The following ACSF2 variants were observed in gnomAD, a reference collection of about 807,000 sequenced individuals.
ACSF2 encodes the protein acyl-CoA synthetase family member 2, also known as medium-chain acyl-CoA ligase ACSF2, mitochondrial.
ACSF2 carries 52 observed loss-of-function variants against 79.3 expected under a neutral mutation model. The observed-to-expected ratio is 0.66, with a 90% CI of 0.53 to 0.83. The LOEUF is 0.83. Among genes scored for constraint, ACSF2 ranks in the 40% least tolerant of loss-of-function variants. ACSF2 has a pLI of 0.00. For synonymous variants in ACSF2, 283 were observed against 312.6 expected, an observed-to-expected ratio of 0.91 and a Z score of 1.00; for missense variants, 661 against 803.3, an observed-to-expected ratio of 0.82 and a Z score of 2.14.
chr17:50,469,356 C>T (rs1376095380), intron 10 of ACSF2, among the ~76,000 whole-genome samples: 1 of 152,226 alleles, frequency 6.6e-6, no homozygotes, highest in Non-Finnish European at 1.5e-5. Flanking sequence ...GGTGGGCCAG[C>T]TGCCTGCGCT....
intron 10 of ACSF2, chr17:50,469,043 C>A (rs1019667894): frequency 1.5e-6 from 2 of 1,316,298 alleles, no homozygotes; most frequent in African/African-American, 3.1e-5. Flanking sequence ...TTCCCCCAGC[C>A]GGCTACCGTG....
intron 1 of ACSF2, among the ~76,000 whole-genome samples, chr17:50,441,536 T>C (rs2030921962): frequency 6.6e-6 from 1 of 152,200 alleles, no homozygotes; most frequent in Non-Finnish European, 1.5e-5. Context: ...ATTGGGGTCT[T>C]GGAAGCCAGG....
chr17:50,469,407 C>T (rs549745022), intron 10 of ACSF2, among the ~76,000 whole-genome samples: 2 of 152,164 alleles, frequency 1.3e-5, no homozygotes. Flanking sequence ...GCGTGAGAGC[C>T]GCCCCGGCGT....
chr17:50,459,536 C>T (rs1328646352), intron 1 of ACSF2, among the ~76,000 whole-genome samples: 1 of 152,210 alleles, frequency 6.6e-6, no homozygotes, highest in Non-Finnish European at 1.5e-5. Context: ...GTGTGAGCCA[C>T]CATGCCTGGC....
At chr17:50,434,712 T>C (rs1481488789) in intron 1 of ACSF2, among the ~76,000 whole-genome samples, 1 of 151,974 alleles carries the variant, frequency 6.6e-6, no homozygotes, top group Non-Finnish European at 1.5e-5. Context: ...TTTTTTTTAC[T>C]GTAGTCCTTA....
intron 1 of ACSF2, among the ~76,000 whole-genome samples, chr17:50,447,565 A>C (rs1314471798): frequency 6.6e-6 from 1 of 151,798 alleles, no homozygotes; most frequent in Non-Finnish European, 1.5e-5. Flanking sequence ...TAATAATAAT[A>C]ATGAGATGAT....
intron 1 of ACSF2, among the ~76,000 whole-genome samples, chr17:50,454,221 A>G (rs947404961): frequency 7.2e-6 from 1 of 138,292 alleles, no homozygotes; most frequent in Non-Finnish European, 1.5e-5. Context: ...TCTGTCACCC[A>G]GGCTGGTCTC....
chr17:50,472,685 AG>A (rs1292772163), intron 12 of ACSF2, 106 bp downstream of exon 12: 43 of 1,341,180 alleles, frequency 3.2e-5, no homozygotes, highest in Admixed American at 5.8e-5. Context: ...GTGGGTATCA[AG>A]ATGACCCCTC....
intron 10 of ACSF2, chr17:50,465,755 A>C: frequency 6.2e-7 from 1 of 1,613,716 alleles, no homozygotes; most frequent in Non-Finnish European, 8.5e-7. Context: ...GTTATTGGTA[A>C]GGGCGAGGGT....
chr17:50,449,688 A>G (rs2031548232), intron 1 of ACSF2, among the ~76,000 whole-genome samples: 1 of 152,034 alleles, frequency 6.6e-6, no homozygotes. Flanking sequence ...TGCTCGGATT[A>G]CAGGCGTGAG....
chr17:50,467,557 C>T (rs536474352), intron 10 of ACSF2, among the ~76,000 whole-genome samples: 2 of 152,324 alleles, frequency 1.3e-5, no homozygotes, highest in East Asian at 1.9e-4. Flanking sequence ...CCCCACTCCC[C>T]CTTAGCACAC....
At chr17:50,455,005 A>C (rs1232326695) in intron 1 of ACSF2, among the ~76,000 whole-genome samples, 1 of 152,134 alleles carries the variant, frequency 6.6e-6, no homozygotes, top group African/African-American at 2.4e-5. Context: ...GCTTGTTGTG[A>C]GGCTGAACAC....
chr17:50,474,518 T>G lies in ACSF2; in HGVS notation c.1814T>G (p.Leu605Arg). 1.2e-6 allele frequency: 2 copies of G among 1,614,216 alleles called. No homozygotes were observed. The highest frequency in any genetic ancestry group is 1.7e-6 in the Non-Finnish European group (2 of 1,180,030). ...TTCCTCTAGATCCAGAAATTCAAAC[T>G]TCGAGAGCAGATGGAACGACATCTA... Reference protein sequence around the residue: ...TISGKIQKFKLREQMERHLNL With the variant: ...TISGKIQKFKRREQMERHLNL Residue 605 changes from leucine to arginine, a missense_variant, in exon 16 of 16, where the codon CTT becomes CGT. Coordinates refer to ENST00000300441, the MANE Select transcript of ACSF2 (RefSeq NM_025149.6). The surrounding 1 kb of genome is among the most constrained non-coding windows in gnomAD (Gnocchi z 4.2).
intron 1 of ACSF2, among the ~76,000 whole-genome samples, chr17:50,433,716 T>C (rs895038974): frequency 1.3e-5 from 2 of 152,158 alleles, no homozygotes; most frequent in African/African-American, 2.4e-5. Flanking sequence ...CCTCCCAGTC[T>C]CAGGTGATGT....
intron 10 of ACSF2, chr17:50,468,239 T>A (rs1598431911): frequency 1.9e-6 from 3 of 1,612,318 alleles, no homozygotes; most frequent in Non-Finnish European, 2.5e-6. Context: ...CTCCACGTCG[T>A]CCAGGGCCCC....
intron 1 of ACSF2, among the ~76,000 whole-genome samples, chr17:50,443,382 A>G (rs1270078417): frequency 6.6e-6 from 1 of 152,208 alleles, no homozygotes; most frequent in Non-Finnish European, 1.5e-5. Context: ...AGGAATCCAG[A>G]TTTACAGGTT....
intron 1 of ACSF2, among the ~76,000 whole-genome samples, chr17:50,436,398 G>A (rs1046956464): frequency 2.0e-5 from 3 of 151,032 alleles, no homozygotes; most frequent in African/African-American, 7.3e-5. Context: ...CAAAGTGCTG[G>A]GATTACAGGC....
chr17:50,433,934 T>G (rs898623571), intron 1 of ACSF2, among the ~76,000 whole-genome samples: 3 of 151,970 alleles, frequency 2.0e-5, no homozygotes, highest in Admixed American at 6.6e-5. Context: ...CTTCTATGTC[T>G]TCTTGAGAGA....
At chr17:50,458,533 T>C (rs2032150440) in intron 1 of ACSF2, among the ~76,000 whole-genome samples, 1 of 152,182 alleles carries the variant, frequency 6.6e-6, no homozygotes, top group African/African-American at 2.4e-5. Context: ...GATTCCGTCT[T>C]ACAGGTGCTC....
Sources: gnomAD v4.1 joint callset for allele counts (sites outside exome capture counted in the v4.1 genomes callset) on GRCh38, gnomAD v4.1.1 for gene constraint, Gnocchi (gnomAD v3.1) non-coding constraint, MANE v1.5 for transcripts, NCBI Gene and HGNC (gene_info 2026-07-23, HGNC 2026-07-21) for gene names.